Variants in CHAF1A observed in about 807,000 individuals in gnomAD.
CHAF1A encodes chromatin assembly factor 1 subunit A.
CHAF1A carries 5 observed loss-of-function variants against 93.2 expected under a neutral mutation model. The observed-to-expected ratio is 0.05, with a 90% CI of 0.03 to 0.11. The LOEUF (loss-of-function observed/expected upper bound fraction) is 0.11. Among genes scored for constraint, CHAF1A ranks in the 10% least tolerant of loss-of-function variants. The pLI is 1.00. For missense variants in CHAF1A, 1,102 were observed against 1,259.9 expected, an observed-to-expected ratio of 0.87 and a Z score of 1.90; for synonymous variants, 504 against 510.3, an observed-to-expected ratio of 0.99 and a Z score of 0.17.
chr19:4,437,266 A>G (rs1476664483), intron 13 of CHAF1A, among the ~76,000 whole-genome samples: 1 of 152,060 alleles, frequency 6.6e-6, no homozygotes, highest in East Asian at 1.9e-4. Context: ...GTTTTTTTTC[A>G]GAGCTTGTGT....
At chr19:4,406,789 G>A (rs868628356) in intron 2 of CHAF1A, among the ~76,000 whole-genome samples, 6 of 152,190 alleles carry the variant, frequency 3.9e-5, no homozygotes, top group African/African-American at 9.7e-5. Context: ...GCTGGGTGCA[G>A]TGTTGCATAC....
chr19:4,412,312 G>A (rs2145079361), intron 3 of CHAF1A, among the ~76,000 whole-genome samples: 1 of 152,358 alleles, frequency 6.6e-6, no homozygotes, highest in East Asian at 1.9e-4. Context: ...GGACGCCGAG[G>A]CGGGTGGATC....
Position 4,423,400 on chromosome 19 carries a change from A to G in CHAF1A, c.1308+5A>G. 1 of 1,614,030 alleles carries G rather than the reference A, an allele frequency of 6.2e-7. No homozygotes were observed. The highest frequency in any genetic ancestry group is 8.5e-7 in the Non-Finnish European group (1 of 1,179,956). ...CGGTTAAGAGAAGAAGAGAAGGTAGAGTGTTTCCCACAGAGCTTCCCCGTC... is the reference window on the plus strand; with the variant it reads ...CGGTTAAGAGAAGAAGAGAAGGTAGGGTGTTTCCCACAGAGCTTCCCCGTC... On this transcript the variant is annotated splice_donor_5th_base_variant and intron_variant, in intron 6 of 14. Coordinates refer to ENST00000301280, the MANE Select transcript of CHAF1A (RefSeq NM_005483.3).
intron 2 of CHAF1A, among the ~76,000 whole-genome samples, chr19:4,406,772 A>C (rs1004629689): frequency 3.3e-5 from 5 of 152,086 alleles, no homozygotes; most frequent in African/African-American, 9.6e-5. Context: ...GGGTTTTTCA[A>C]ACTTGGGCTG....
At position 4,418,202 on chromosome 19, in the gene CHAF1A, T is replaced by G. The variant is rs537359543; in HGVS notation, c.1017+126T>G. ...TTCCCCAGCCTTCTCTGACCATCAT[T>G]TTGATTCCTGCTTCATTTTAAGTAC... On this transcript the variant is annotated intron_variant, in intron 4 of 14. Coordinates refer to ENST00000301280, the MANE Select transcript of CHAF1A (RefSeq NM_005483.3). 6 of 607,062 alleles carry G rather than the reference T, an allele frequency of 9.9e-6. No individual in the cohort carries two copies. In the East Asian group the frequency reaches 1.8e-4, roughly 18 times the overall value. 37.6% of individuals were successfully genotyped at this position (607,062 alleles called of 1,614,324 possible).
At chr19:4,446,067 G>C, downstream of CHAF1A, 1 of 1,612,438 alleles carries the variant, frequency 6.2e-7, no homozygotes, top group Non-Finnish European at 8.5e-7. Context: ...ACTCGTTCAA[G>C]GCCAGGTTCT....
At chr19:4,406,622 A>T (rs1383241193) in intron 2 of CHAF1A, among the ~76,000 whole-genome samples, 2 of 151,970 alleles carry the variant, frequency 1.3e-5, no homozygotes, top group East Asian at 3.9e-4. Context: ...TTTAGTAGAG[A>T]TGGGGTTTTA....
chr19:4,447,484 C>T, downstream of CHAF1A: 2 of 1,579,000 alleles, frequency 1.3e-6, no homozygotes, highest in Admixed American at 3.3e-5. Flanking sequence ...TGGGCCACCA[C>T]CGGCTCCTGC....
intron 13 of CHAF1A, among the ~76,000 whole-genome samples, chr19:4,436,287 G>C (rs1383378815): frequency 6.6e-6 from 1 of 152,174 alleles, no homozygotes; most frequent in Non-Finnish European, 1.5e-5. Context: ...GTCACAGCAG[G>C]AGGGGCCATC....
intron 4 of CHAF1A, among the ~76,000 whole-genome samples, chr19:4,418,878 C>A (rs930775888): frequency 6.6e-6 from 1 of 151,318 alleles, no homozygotes; most frequent in Non-Finnish European, 1.5e-5. Context: ...TTTGTTTTGT[C>A]TTTGAGACGG....
intron 7 of CHAF1A, among the ~76,000 whole-genome samples, chr19:4,424,836 T>C (rs143705662): frequency 2.6e-5 from 4 of 152,346 alleles, no homozygotes; most frequent in Non-Finnish European, 4.4e-5. Flanking sequence ...GGTTTTACCA[T>C]GTTGGCTAGG....
intron 4 of CHAF1A, among the ~76,000 whole-genome samples, chr19:4,418,588 T>C (rs890706349): frequency 1.3e-5 from 2 of 151,848 alleles, no homozygotes; most frequent in African/African-American, 4.8e-5. Flanking sequence ...GCTAATTTTT[T>C]GTATTTTTAG....
chr19:4,411,644 C>CTTTTTTTTTTTTTTT (rs66491258), intron 3 of CHAF1A, among the ~76,000 whole-genome samples: 688 of 48,156 alleles, frequency 0.014, 185 homozygotes, highest in African/African-American at 0.04. Flanking sequence ...TGGTGCAAAT[C>CTTTTTTTTTTTTTTT]TTTTTTTTTT....
chr19:4,447,504 G>A (rs1430684546), downstream of CHAF1A: 11 of 1,606,882 alleles, frequency 6.8e-6, no homozygotes, highest in Non-Finnish European at 8.5e-6. Flanking sequence ...CAGGCCAGCT[G>A]CCCCCACCCC....
At chr19:4,410,795 G>A (rs894540640) in intron 3 of CHAF1A, among the ~76,000 whole-genome samples, 6 of 152,166 alleles carry the variant, frequency 3.9e-5, no homozygotes, top group African/African-American at 4.8e-5. Context: ...AGGCCGCAGC[G>A]AGCTATGATC....
At chr19:4,420,923 G>A (rs1218999473) in intron 4 of CHAF1A, among the ~76,000 whole-genome samples, 1 of 152,078 alleles carries the variant, frequency 6.6e-6, no homozygotes, top group Non-Finnish European at 1.5e-5. Context: ...AATTAGCCAG[G>A]TGTGGTGACA....
rs770455075 is a variant in CHAF1A, at chr19:4,429,785, G to A, written c.1851G>A (p.Glu617=). ...CTGGGGAGTCCCTGTCCCACAGTGA[G>A]GGGGTAAGGATGTGCCCCAGCTGTC... is the stretch of plus-strand genomic sequence containing the variant. ...EEPGESLSHS[E]GDDDDDMGED... is the part of the protein sequence containing the mutation. The change falls in exon 10 of 15, where the codon GAG becomes GAA. Residue 617 remains glutamate, a synonymous_variant. Coordinates refer to ENST00000301280, the MANE Select transcript of CHAF1A (RefSeq NM_005483.3). 5.0e-6 allele frequency: 8 copies of A among 1,612,618 alleles called. No individual in the cohort carries two copies. The highest frequency in any genetic ancestry group is 2.2e-5 in the East Asian group (1 of 44,898).
At chr19:4,446,891 G>C, downstream of CHAF1A, 1 of 1,613,966 alleles carries the variant, frequency 6.2e-7, no homozygotes, top group Non-Finnish European at 8.5e-7. Context: ...CAAAAAACTC[G>C]TGGGTCCCTT....
chr19:4,446,488 C>T (rs777127794), downstream of CHAF1A: 37 of 1,602,476 alleles, frequency 2.3e-5, no homozygotes, highest in Admixed American at 2.9e-4. Flanking sequence ...GCTCCGCGGA[C>T]GTCAGGCCCA....
Sources: gnomAD v4.1 joint callset for allele counts (sites outside exome capture counted in the v4.1 genomes callset) on GRCh38, gnomAD v4.1.1 for gene constraint, MANE v1.5 for transcripts, NCBI Gene and HGNC (gene_info 2026-07-23, HGNC 2026-07-21) for gene names.